Variants in KIF3A observed in about 807,000 individuals in gnomAD.
The protein encoded by KIF3A is kinesin family member 3A.
KIF3A carries 27 observed loss-of-function variants against 92.6 expected under a neutral mutation model. That is an observed-to-expected ratio of 0.29 (90% CI 0.21 to 0.40). KIF3A has a LOEUF of 0.40. Among genes scored for constraint, KIF3A ranks in the 10% least tolerant of loss-of-function variants. The probability of loss-of-function intolerance (pLI) is 1.00; values close to 1 mark genes in which losing one functional copy is unlikely to be tolerated. For synonymous variants in KIF3A, 250 were observed against 275.4 expected (o/e 0.91, Z 0.92); for missense variants, 581 against 872.6 (o/e 0.67, Z 4.21).
At chr5:132,717,011 A>G (rs201221024) in intron 5 of KIF3A, 27 bp from the exon 6 acceptor site, 81 of 1,607,758 alleles carry the variant, frequency 5.0e-5, no homozygotes, top group Non-Finnish European at 1.1e-5. Flanking sequence ...AAATCCTTTA[A>G]AAGTGTAACA....
chr5:132,690,694 G>A (rs887976002), downstream of KIF3A, among the ~76,000 whole-genome samples: 2 of 152,100 alleles, frequency 1.3e-5, no homozygotes, highest in South Asian at 2.1e-4. Flanking sequence ...CTGGGAGGCC[G>A]AGGCAGGCGG....
chr5:132,698,985 G>A (rs1752932733), intron 18 of KIF3A, among the ~76,000 whole-genome samples, 186 bp downstream of exon 18: 1 of 152,160 alleles, frequency 6.6e-6, no homozygotes, highest in South Asian at 2.1e-4. Context: ...TGATCCACCT[G>A]CCTCGGCCTC....
chr5:132,715,711 T>C (rs1420487196), intron 8 of KIF3A, 46 bp downstream of exon 8: 5 of 1,439,466 alleles, frequency 3.5e-6, no homozygotes, highest in Non-Finnish European at 4.8e-6. Context: ...GGTTCAACAA[T>C]GTATTTTTAG....
intron 4 of KIF3A, among the ~76,000 whole-genome samples, chr5:132,725,737 G>A (rs943187330): frequency 2.0e-5 from 3 of 152,096 alleles, no homozygotes; most frequent in African/African-American, 7.2e-5. Context: ...CAGTAATGCT[G>A]GCTGCTGTTC....
chr5:132,726,135 C>G lies in KIF3A; in HGVS notation c.503G>C (p.Arg168Thr). The change falls in exon 4 of 19, where the codon AGG becomes ACG. Residue 168 changes from arginine (R) to threonine (T), a missense_variant. By Grantham distance (71) the Arg-to-Thr change is moderately conservative. This residue lies in a region of KIF3A where 217 missense variants were observed against 299.7 expected (regional missense o/e 0.72). Coordinates refer to ENST00000403231, the MANE Select transcript of KIF3A (RefSeq NM_001300791.2). ...RDLLGKDQTQ[R>T]LEVKERPDVG... ...AATTTCAATTATCCTTACCTCTAAC[C>G]TTTGTGTCTGATCCTTGCCCAAAAG... The G allele has an allele frequency of 6.2e-7, 1 of 1,607,328 alleles. No homozygotes were observed. The highest frequency in any genetic ancestry group is 1.3e-5 in the African/African-American group (1 of 74,760).
chr5:132,700,726 ATTTT>A, intron 15 of KIF3A, 26 bp from the exon 16 acceptor site: 1 of 1,420,104 alleles, frequency 7.0e-7, no homozygotes, highest in Non-Finnish European at 9.9e-7. Flanking sequence ...AAGATAGCCT[ATTTT>A]TAATATTTAA....
At chr5:132,733,618 T>C (rs1467526565) in intron 2 of KIF3A, among the ~76,000 whole-genome samples, 18 of 152,030 alleles carry the variant, frequency 1.2e-4, no homozygotes, top group Admixed American at 1.2e-3. Context: ...AACAAAAAAA[T>C]GAGCCAGGTG....
At chr5:132,690,656 G>T (rs946067596), downstream of KIF3A, among the ~76,000 whole-genome samples, 190 of 33,152 alleles carry the variant, frequency 5.7e-3, 1 homozygote, top group African/African-American at 9.0e-3. Context: ...GGCCGGGCGC[G>T]GTGGCTCATG....
At chr5:132,702,441 A>G (rs1285713415) in intron 14 of KIF3A, 117 bp downstream of exon 14, 1 of 701,142 alleles carries the variant, frequency 1.4e-6, no homozygotes, top group Non-Finnish European at 2.3e-6. Flanking sequence ...ATAAAGAAAT[A>G]TTTTATTTCT....
rs1262314754 is a variant in KIF3A at position 132,694,622 on chromosome 5, G to A, written c.*2012C>T. On this transcript the variant is annotated 3_prime_UTR_variant, in exon 19 of 19. Coordinates refer to ENST00000403231, the MANE Select transcript of KIF3A (RefSeq NM_001300791.2). ...GGTTAGAAACATGAACTTTTAAAAA[G>A]AAGCGTTTTTTTTAAACTGGTAAAA... The A allele has an allele frequency of 6.6e-6, 1 of 150,948 alleles. No homozygotes were observed. The highest frequency in any genetic ancestry group is 1.5e-5 in the Non-Finnish European group (1 of 68,018). The allele number at this position is 150,948 out of a possible 1,614,324, so 9.4% of individuals were successfully genotyped here.
intron 2 of KIF3A, 103 bp from the exon 3 acceptor site, chr5:132,726,601 G>A (rs556383520): frequency 8.7e-6 from 9 of 1,029,000 alleles, no homozygotes; most frequent in African/African-American, 1.6e-5. Context: ...TTTCTCCCCT[G>A]GATTCAAAAT....
chr5:132,695,723 TG>T lies in KIF3A; in HGVS notation c.*910del, dbSNP rs1752812321. On this transcript the variant is annotated 3_prime_UTR_variant, in exon 19 of 19. Transcript: ENST00000403231. The stretch of plus-strand genomic sequence containing the variant: ...TTAAAAGATATTTTTCTTGCTTAGC[TG>T]TATTTTCTGGAAAATGGAGACTCTT... The T allele has an allele frequency of 6.6e-6, 1 of 152,376 alleles. No homozygotes were observed. The highest frequency in any genetic ancestry group is 1.5e-5 in the Non-Finnish European group (1 of 68,048). 9.4% of individuals were successfully genotyped at this position (152,376 alleles called of 1,614,324 possible).
Position 132,708,951 on chromosome 5 carries a change from G to T in KIF3A, c.1256C>A (p.Ser419Tyr), listed in dbSNP as rs1249228837. ...RGSSSSSSSD[S>Y]TCSVIEKPLD... ...AGGTTTCTCTATGACAGAACATGTG[G>T]AGTCTGAACTACTGCTGCTGCTACT... The change falls in exon 10 of 19, where the codon TCC becomes TAC. Residue 419 changes from serine to tyrosine, a missense_variant. Around this residue, in one of 5 missense-constraint regions of KIF3A, gnomAD observed 167 missense variants for 205.8 expected, o/e 0.81. Coordinates refer to ENST00000403231, the MANE Select transcript of KIF3A (RefSeq NM_001300791.2). 1 of 1,550,244 alleles carries T rather than the reference G, an allele frequency of 6.5e-7. No homozygotes were observed. Among genetic ancestry groups the T allele is most frequent in the Non-Finnish European group, 8.7e-7 (1 of 1,146,848 alleles).
downstream of KIF3A, chr5:132,689,861 G>A (rs1002449374): frequency 6.6e-6 from 1 of 152,140 alleles, no homozygotes; most frequent in African/African-American, 2.4e-5. Flanking sequence ...AGCTGGAAGT[G>A]GGGGAGAGGA....
chr5:132,728,610 G>A (rs1025516494), intron 2 of KIF3A, among the ~76,000 whole-genome samples: 6 of 151,946 alleles, frequency 3.9e-5, no homozygotes, highest in Non-Finnish European at 8.8e-5. Flanking sequence ...GGTGGCACAT[G>A]CCTGTAGTCC....
At chr5:132,707,284 CACCTTTTAAAAAG>C (rs1432480001) in intron 10 of KIF3A, among the ~76,000 whole-genome samples, 1 of 152,046 alleles carries the variant, frequency 6.6e-6, no homozygotes, top group Non-Finnish European at 1.5e-5. Flanking sequence ...AAGCAAGAAA[CACCTTTTAAAAAG>C]GCCATTGAGA....
At position 132,726,275 on chromosome 5, in the gene KIF3A, T is replaced by C. The variant is rs1754030495; in HGVS notation, c.426-63A>G. Reference sequence around the variant, plus strand: ...TATTCATAAGAACGGTTTTAAAATATGTTTATAAAATTTATACCTATGTGC... The same window carrying C: ...TATTCATAAGAACGGTTTTAAAATACGTTTATAAAATTTATACCTATGTGC... On this transcript the variant is annotated intron_variant, in intron 3 of 18. Coordinates refer to ENST00000403231, the MANE Select transcript of KIF3A (RefSeq NM_001300791.2). The C allele has an allele frequency of 3.8e-6, 6 of 1,571,758 alleles. No individual in the cohort carries two copies. In the Admixed American group the frequency reaches 8.7e-5, roughly 23 times the overall value.
Position 132,726,137 on chromosome 5 carries a change from T to C in KIF3A, c.501A>G (p.Gln167=), listed in dbSNP as rs964377698. The C allele has an allele frequency of 6.2e-7, 1 of 1,608,096 alleles. No individual in the cohort carries two copies. The highest frequency in any genetic ancestry group is 1.1e-5 in the South Asian group (1 of 89,674). Reference sequence around the variant, plus strand: ...TTTCAATTATCCTTACCTCTAACCTTTGTGTCTGATCCTTGCCCAAAAGGT... The same window carrying C: ...TTTCAATTATCCTTACCTCTAACCTCTGTGTCTGATCCTTGCCCAAAAGGT... The part of the protein sequence containing the change: ...VRDLLGKDQT[Q]RLEVKERPDV... The change falls in exon 4 of 19, where the codon CAA becomes CAG. Residue 167 remains glutamine, a synonymous_variant. Coordinates refer to ENST00000403231, the MANE Select transcript of KIF3A (RefSeq NM_001300791.2).
At chr5:132,701,981 A>G (rs1011583037) in intron 15 of KIF3A, 106 bp downstream of exon 15, 2 of 1,191,430 alleles carry the variant, frequency 1.7e-6, no homozygotes, top group Non-Finnish European at 2.3e-6. Context: ...AAAAAATTGT[A>G]CATTCAATAA....
Sources: gnomAD v4.1 joint callset for allele counts (sites outside exome capture counted in the v4.1 genomes callset) on GRCh38, gnomAD v4.1.1 for gene constraint, gnomAD v4.1.1 regional missense constraint, MANE v1.5 for transcripts, NCBI Gene and HGNC (gene_info 2026-07-23, HGNC 2026-07-21) for gene names.